The following SPOCK3 variants were observed in gnomAD, a reference collection of about 807,000 sequenced individuals.
The protein encoded by SPOCK3 is testican-3.
In SPOCK3, 30 loss-of-function variants were observed where a neutral mutation model predicts 56.6. That is an observed-to-expected ratio of 0.53 (90% CI 0.40 to 0.72). The LOEUF (loss-of-function observed/expected upper bound fraction) is 0.72. SPOCK3 is among the 30% of genes least tolerant of loss of function. The pLI, the probability that SPOCK3 is intolerant of heterozygous loss-of-function variation, is 0.00. For synonymous variants in SPOCK3, 196 were observed against 183.3 expected (o/e 1.07, Z -0.56); for missense variants, 527 against 530.0 (o/e 0.99, Z 0.06).
intron 6 of SPOCK3, among the ~76,000 whole-genome samples, chr4:166,875,168 T>C (rs1198503324): frequency 3.3e-5 from 5 of 152,156 alleles, no homozygotes; most frequent in African/African-American, 1.2e-4. Context: ...ATAATCAGTA[T>C]CACTTTTCTG....
intron 2 of SPOCK3, among the ~76,000 whole-genome samples, chr4:167,147,432 C>T (rs779735184): frequency 1.3e-5 from 2 of 152,096 alleles, no homozygotes; most frequent in Non-Finnish European, 2.9e-5. Flanking sequence ...ACTAGAAATA[C>T]CATTTGACCC....
intron 2 of SPOCK3, among the ~76,000 whole-genome samples, chr4:167,199,003 C>A (rs1237281609): frequency 6.6e-6 from 1 of 151,882 alleles, no homozygotes; most frequent in African/African-American, 2.4e-5. Flanking sequence ...TTGCATTGGC[C>A]ATAAGTATAT....
intron 4 of SPOCK3, among the ~76,000 whole-genome samples, chr4:166,938,395 A>C (rs1740683937): frequency 6.6e-6 from 1 of 152,198 alleles, no homozygotes; most frequent in Non-Finnish European, 1.5e-5. Context: ...AATGAATATG[A>C]ATACAGGAAG....
intron 2 of SPOCK3, among the ~76,000 whole-genome samples, chr4:167,096,112 C>G (rs964879255): frequency 6.6e-6 from 1 of 151,784 alleles, no homozygotes; most frequent in East Asian, 1.9e-4. Context: ...ATAAAAAGAC[C>G]TGAATAAATG....
intron 3 of SPOCK3, among the ~76,000 whole-genome samples, chr4:167,033,344 T>C (rs1254488944): frequency 1.3e-5 from 2 of 150,402 alleles, no homozygotes; most frequent in Non-Finnish European, 3.0e-5. Context: ...ATTTGGTCCT[T>C]TAAATAAAAA....
chr4:167,076,802 G>T (rs1757222344), intron 2 of SPOCK3, among the ~76,000 whole-genome samples: 1 of 151,590 alleles, frequency 6.6e-6, no homozygotes, highest in Non-Finnish European at 1.5e-5. Context: ...TGTATAACAA[G>T]AAAATAAAAA....
At chr4:166,791,489 C>T (rs1010862170) in intron 7 of SPOCK3, among the ~76,000 whole-genome samples, 3 of 151,934 alleles carry the variant, frequency 2.0e-5, no homozygotes, top group South Asian at 2.1e-4. Context: ...AGATTCAGCC[C>T]GTGTTTCGAT....
At chr4:167,206,680 A>C (rs1247501324) in intron 2 of SPOCK3, among the ~76,000 whole-genome samples, 1 of 152,094 alleles carries the variant, frequency 6.6e-6, no homozygotes, top group Admixed American at 6.6e-5. Context: ...ATAAAACTCC[A>C]TCTTAAGACT....
chr4:167,124,038 C>T (rs1460039372), intron 2 of SPOCK3, among the ~76,000 whole-genome samples: 2 of 152,100 alleles, frequency 1.3e-5, no homozygotes, highest in African/African-American at 2.4e-5. Context: ...AGCCACCACG[C>T]CCTGCCCCAA....
chr4:167,085,482 T>A (rs1019582849), intron 2 of SPOCK3, among the ~76,000 whole-genome samples: 2 of 152,146 alleles, frequency 1.3e-5, no homozygotes, highest in African/African-American at 4.8e-5. Context: ...GACTTTGGAA[T>A]CAAACAATAC....
At chr4:166,974,618 T>C (rs1464925689) in intron 4 of SPOCK3, among the ~76,000 whole-genome samples, 1 of 152,160 alleles carries the variant, frequency 6.6e-6, no homozygotes, top group Non-Finnish European at 1.5e-5. Flanking sequence ...GTCTCTAATT[T>C]CTCTCCTACC....
intron 3 of SPOCK3, among the ~76,000 whole-genome samples, chr4:167,050,283 T>C (rs1221593330): frequency 6.6e-6 from 1 of 152,170 alleles, no homozygotes; most frequent in African/African-American, 2.4e-5. Context: ...ATGAATTATT[T>C]TGATAAGCCA....
chr4:167,202,901 T>C (rs1733659555), intron 2 of SPOCK3, among the ~76,000 whole-genome samples: 1 of 151,896 alleles, frequency 6.6e-6, no homozygotes, highest in Non-Finnish European at 1.5e-5. Flanking sequence ...ATAGTAATTT[T>C]TTCTCTCCAC....
intron 4 of SPOCK3, among the ~76,000 whole-genome samples, chr4:166,950,234 C>G (rs1336344443): frequency 4.0e-5 from 6 of 151,502 alleles, no homozygotes; most frequent in Admixed American, 2.6e-4. Flanking sequence ...TAAAAGAATG[C>G]AGGAAGATCT....
chr4:167,104,756 G>A (rs578114819), intron 2 of SPOCK3, among the ~76,000 whole-genome samples: 6 of 151,620 alleles, frequency 4.0e-5, no homozygotes, highest in South Asian at 4.2e-4. Flanking sequence ...AACACCAAGC[G>A]GATTGAACCC....
intron 4 of SPOCK3, among the ~76,000 whole-genome samples, chr4:166,977,257 A>C (rs1746053283): frequency 6.6e-6 from 1 of 152,126 alleles, no homozygotes; most frequent in Non-Finnish European, 1.5e-5. Flanking sequence ...TGTACAAGTT[A>C]GAGATTGATT....
intron 2 of SPOCK3, among the ~76,000 whole-genome samples, chr4:167,216,376 GA>G (rs139748101): frequency 0.032 from 4,806 of 151,902 alleles, 115 homozygotes; most frequent in Middle Eastern, 0.075. Flanking sequence ...TATGATTTGG[GA>G]AAAAAAATAA....
At chr4:166,744,100 G>C (rs1735242672) in intron 8 of SPOCK3, among the ~76,000 whole-genome samples, 1 of 152,174 alleles carries the variant, frequency 6.6e-6, no homozygotes, top group Non-Finnish European at 1.5e-5. Context: ...GCTTTGAAGA[G>C]AGCAGTGGTT....
rs140749977 is a variant in SPOCK3 at position 167,069,665 on chromosome 4, A to G, written c.190-7128T>C. 1.1e-3 allele frequency among the ~76,000 whole-genome samples: 164 copies of G among 152,054 alleles called. 2 individuals are homozygous for G. The East Asian group carries it at 0.026, about 24-fold the overall frequency. On this transcript the variant is annotated intron_variant, in intron 2 of 10. Transcript: ENST00000357545. ...TTCATAACAGTGCATCTTCGGATAC[A>G]CAGATACAGAACCTCCAAACAATCC...
Sources: gnomAD v4.1 joint callset for allele counts (sites outside exome capture counted in the v4.1 genomes callset) on GRCh38, gnomAD v4.1.1 for gene constraint, MANE v1.5 for transcripts, NCBI Gene and HGNC (gene_info 2026-07-23, HGNC 2026-07-21) for gene names.